Variants in PTPRN2 observed in about 807,000 individuals in gnomAD.
PTPRN2 encodes receptor-type tyrosine-protein phosphatase N2.
Under a neutral mutation model 118.8 loss-of-function variants are expected in PTPRN2, and 74 were observed. The observed-to-expected ratio is 0.62, with a 90% CI of 0.52 to 0.76. PTPRN2 has a LOEUF of 0.76. Ranked by LOEUF, PTPRN2 falls within the 30% of genes least tolerant of loss-of-function variation. PTPRN2 has a pLI of 0.00. For synonymous variants in PTPRN2, 641 were observed against 608.0 expected (o/e 1.05, Z -0.80); for missense variants, 1,481 against 1,394.4 (o/e 1.06, Z -0.99).
At chr7:157,809,240 G>A (rs1309313984) in intron 12 of PTPRN2, among the ~76,000 whole-genome samples, 11 of 151,896 alleles carry the variant, frequency 7.2e-5, no homozygotes, top group African/African-American at 2.2e-4. Flanking sequence ...CCTGGAGGGG[G>A]CTCAGCCCTG....
chr7:158,409,749 G>A (rs750475161), intron 2 of PTPRN2, among the ~76,000 whole-genome samples: 3 of 152,134 alleles, frequency 2.0e-5, no homozygotes, highest in African/African-American at 7.2e-5. Flanking sequence ...TCAGACCCTC[G>A]CTCTGAAGAA....
chr7:158,004,094 G>A (rs1489678821), intron 11 of PTPRN2, among the ~76,000 whole-genome samples: 1 of 152,154 alleles, frequency 6.6e-6, no homozygotes, highest in African/African-American at 2.4e-5. Flanking sequence ...ACTCTCTAAG[G>A]TGATAGGAAA....
intron 11 of PTPRN2, among the ~76,000 whole-genome samples, chr7:158,075,249 C>A (rs1812250238): frequency 6.6e-6 from 1 of 152,202 alleles, no homozygotes; most frequent in African/African-American, 2.4e-5. Context: ...CAGCTCCTAC[C>A]ATCTCCGATT....
intron 2 of PTPRN2, among the ~76,000 whole-genome samples, chr7:158,360,026 A>G: frequency 6.6e-6 from 1 of 151,420 alleles, no homozygotes; most frequent in Non-Finnish European, 1.5e-5. Context: ...CACCCAGACA[A>G]CCCACAGATC....
rs185055655 is a variant in PTPRN2, at chr7:157,817,428, G to A, written c.1788+81245C>T. 2.4e-4 allele frequency among the ~76,000 whole-genome samples: 37 copies of A among 152,128 alleles called. 1 individual carries two copies. The highest frequency in any genetic ancestry group is 7.3e-5 in the Non-Finnish European group (5 of 68,028). On this transcript the variant is annotated intron_variant, in intron 12 of 22. Transcript: ENST00000389418. The stretch of plus-strand genomic sequence containing the variant: ...AATGAGGAGCAGGCTGTGGGGAAAG[G>A]AGAGGTCACTGAGGTCACATGAGTA...
At chr7:157,810,684 G>A (rs1213843436) in intron 12 of PTPRN2, among the ~76,000 whole-genome samples, 1 of 143,868 alleles carries the variant, frequency 7.0e-6, no homozygotes, top group African/African-American at 2.6e-5. Context: ...TCACGGGGAC[G>A]GCGGGACTTC....
chr7:157,606,513 A>G (rs1471248114), intron 15 of PTPRN2, among the ~76,000 whole-genome samples: 1 of 152,232 alleles, frequency 6.6e-6, no homozygotes, highest in Non-Finnish European at 1.5e-5. Context: ...CGTTTGTCCC[A>G]GGGAAAACCT....
chr7:158,036,031 G>A (rs1193035403), intron 11 of PTPRN2, among the ~76,000 whole-genome samples: 1 of 152,196 alleles, frequency 6.6e-6, no homozygotes, highest in African/African-American at 2.4e-5. Flanking sequence ...GCAGCAGAGA[G>A]CACAGACATG....
At chr7:158,284,321 G>A (rs928811194) in intron 3 of PTPRN2, among the ~76,000 whole-genome samples, 1 of 151,550 alleles carries the variant, frequency 6.6e-6, no homozygotes, top group African/African-American at 2.4e-5. Context: ...TGTGGGCTGG[G>A]CACTCTCCAA....
At chr7:157,657,917 A>C (rs952761028) in intron 13 of PTPRN2, among the ~76,000 whole-genome samples, 1 of 139,550 alleles carries the variant, frequency 7.2e-6, no homozygotes, top group African/African-American at 2.7e-5. Flanking sequence ...CACACACCAC[A>C]CACATCGCAG....
intron 6 of PTPRN2, among the ~76,000 whole-genome samples, chr7:158,152,271 A>G (rs1280526263): frequency 6.6e-6 from 1 of 151,728 alleles, no homozygotes; most frequent in Non-Finnish European, 1.5e-5. Flanking sequence ...GGGCTGGAGC[A>G]CTGCTCTTTC....
rs1158021296 is a variant in PTPRN2, at chr7:157,861,908, ACT to A, written c.1788+36763_1788+36764del. On this transcript the variant is annotated intron_variant, in intron 12 of 22. Coordinates refer to ENST00000389418, the MANE Select transcript of PTPRN2 (RefSeq NM_002847.5). The surrounding 1 kb of genome is among the most constrained non-coding windows in gnomAD (Gnocchi z 5.8). ...TCACAGGGACACTGCTGCTTCGAGG[ACT>A]CTGTGTGCCGGAGTCTGTCCTCCCC... 7.1e-6 allele frequency among the ~76,000 whole-genome samples: 1 copy of A among 141,102 alleles called. No homozygotes were observed. The highest frequency in any genetic ancestry group is 1.5e-5 in the Non-Finnish European group (1 of 64,866). The allele number at this position is 141,102 out of a possible 152,430, so 92.6% of individuals were successfully genotyped here.
intron 3 of PTPRN2, among the ~76,000 whole-genome samples, chr7:158,309,079 C>G (rs1202939421): frequency 2.0e-5 from 3 of 152,180 alleles, no homozygotes; most frequent in African/African-American, 7.2e-5. Context: ...CATTCTTTCA[C>G]AGTCTTCCAA....
chr7:158,132,273 A>G (rs1818400309), intron 9 of PTPRN2, among the ~76,000 whole-genome samples: 2 of 151,566 alleles, frequency 1.3e-5, no homozygotes, highest in African/African-American at 4.9e-5. Context: ...ACTCATACAC[A>G]CACACACGCA....
At chr7:157,981,474 C>T (rs1201229017) in intron 11 of PTPRN2, among the ~76,000 whole-genome samples, 5 of 152,206 alleles carry the variant, frequency 3.3e-5, no homozygotes, top group African/African-American at 1.2e-4. Flanking sequence ...CCAACACACA[C>T]ACAAATTTGA....
At chr7:158,160,197 C>T (rs1822235804) in intron 6 of PTPRN2, among the ~76,000 whole-genome samples, 1 of 152,112 alleles carries the variant, frequency 6.6e-6, no homozygotes, top group Admixed American at 6.5e-5. Context: ...ACCTAGAAAT[C>T]CAGTAAAGCT....
intron 11 of PTPRN2, among the ~76,000 whole-genome samples, chr7:158,044,570 A>G (rs1209556143): frequency 6.6e-6 from 1 of 151,918 alleles, no homozygotes; most frequent in Non-Finnish European, 1.5e-5. Context: ...AGGCACAGAG[A>G]GCTCGGGGCC....
At chr7:158,258,627 G>A (rs1343137456) in intron 3 of PTPRN2, among the ~76,000 whole-genome samples, 7 of 152,176 alleles carry the variant, frequency 4.6e-5, no homozygotes, top group African/African-American at 1.7e-4. Flanking sequence ...ACAGCTTTGG[G>A]GGAGATTTCA....
chr7:158,510,304 G>A (rs139091352), intron 1 of PTPRN2, among the ~76,000 whole-genome samples: 112 of 152,340 alleles, frequency 7.4e-4, no homozygotes, highest in Middle Eastern at 6.8e-3. Context: ...AGGGTGCTCC[G>A]AGGAAACATT....
Sources: allele counts gnomAD v4.1 joint callset (sites outside exome capture counted in the v4.1 genomes callset), GRCh38; gene constraint gnomAD v4.1.1; non-coding constraint Gnocchi (gnomAD v3.1); transcripts MANE v1.5; gene names NCBI Gene and HGNC (gene_info 2026-07-23, HGNC 2026-07-21).